The following APBB2 variants were observed in gnomAD, a reference collection of about 807,000 sequenced individuals.
APBB2 encodes Fe65-like 1.
Under a neutral mutation model 82.5 loss-of-function variants are expected in APBB2, and 38 were observed. The ratio of observed to expected loss-of-function variants is 0.46; its 90% confidence interval spans 0.36 to 0.60. APBB2 has a LOEUF of 0.60. Ranked by LOEUF, APBB2 falls within the 20% of genes least tolerant of loss-of-function variation. APBB2 has a pLI of 0.00. For synonymous variants in APBB2, 341 were observed against 368.2 expected, an observed-to-expected ratio of 0.93 and a Z score of 0.85; for missense variants, 772 against 972.3, an observed-to-expected ratio of 0.79 and a Z score of 2.74.
chr4:41,014,172 C>T lies in APBB2; in HGVS notation c.246G>A (p.Ser82=), dbSNP rs192964270. ...LTNIQAAMGL[S]DPAAQPLLGN... ...CCAGCAGGGGCTGTGCAGCTGGATC[C>T]GAGAGGCCCATGGCCGCCTGGATGT... The change falls in exon 6 of 18, where the codon TCG becomes TCA. Residue 82 remains serine (S), a synonymous_variant. Transcript: ENST00000508593. The T allele has an allele frequency of 8.7e-5, 141 of 1,614,194 alleles. No homozygotes were observed. The Admixed American group carries it at 1.4e-3, about 16-fold the overall frequency.
intron 1 of APBB2, among the ~76,000 whole-genome samples, chr4:41,159,961 G>GA (rs1560913423): frequency 0.028 from 899 of 31,872 alleles, 144 homozygotes; most frequent in Middle Eastern, 0.036. Context: ...GAAGGAGAAG[G>GA]AGAAGAAGAA....
chr4:41,062,338 A>G (rs1035627471), intron 4 of APBB2, among the ~76,000 whole-genome samples: 1 of 82,560 alleles, frequency 1.2e-5, no homozygotes, highest in African/African-American at 5.0e-5. Flanking sequence ...ACACCCAGCT[A>G]ATTTTTGTAT....
intron 1 of APBB2, among the ~76,000 whole-genome samples, chr4:41,159,408 C>T (rs192187451): frequency 5.0e-4 from 76 of 152,178 alleles, no homozygotes; most frequent in Non-Finnish European, 9.7e-4. Flanking sequence ...TAATATTAGC[C>T]GACTTACTTA....
At chr4:40,975,753 A>AACACACACACACACACACAC (rs368424451) in intron 6 of APBB2, among the ~76,000 whole-genome samples, 33 of 142,096 alleles carry the variant, frequency 2.3e-4, no homozygotes, top group African/African-American at 3.1e-4. Context: ...GTAGTAAGAA[A>AACACACACACACACACACAC]ACACACACAC....
At chr4:40,867,521 T>C (rs1157487303) in intron 12 of APBB2, among the ~76,000 whole-genome samples, 1 of 152,236 alleles carries the variant, frequency 6.6e-6, no homozygotes, top group East Asian at 1.9e-4. Context: ...TGTCTCATTC[T>C]CCAAATTGTC....
chr4:40,845,611 A>AAC (rs1757289902), intron 12 of APBB2, among the ~76,000 whole-genome samples: 3 of 149,984 alleles, frequency 2.0e-5, no homozygotes, highest in African/African-American at 7.4e-5. Flanking sequence ...AAAAAAAAAA[A>AAC]AAAACCAGCA....
chr4:41,156,161 AC>A (rs1374031457), intron 1 of APBB2, among the ~76,000 whole-genome samples: 8 of 152,126 alleles, frequency 5.3e-5, no homozygotes, highest in African/African-American at 1.9e-4. Context: ...TGCAAGCAAA[AC>A]CCTCTACTAG....
intron 6 of APBB2, among the ~76,000 whole-genome samples, chr4:40,973,825 C>CTG (rs912307828): frequency 6.6e-6 from 1 of 150,770 alleles, no homozygotes; most frequent in Admixed American, 6.6e-5. Flanking sequence ...TCTCTTTCTT[C>CTG]TGTGTGTGTG....
chr4:40,845,527 G>A (rs1306552105), intron 12 of APBB2, among the ~76,000 whole-genome samples: 2 of 130,002 alleles, frequency 1.5e-5, no homozygotes, highest in East Asian at 2.4e-4. Flanking sequence ...ATTAATATAA[G>A]CCTGAAATAA....
rs559571297 is a variant in APBB2, at chr4:40,814,123, AAT to A, written c.*1967_*1968del. 105 of 152,288 alleles carry A rather than the reference AAT, an allele frequency of 6.9e-4. No homozygotes were observed. Among genetic ancestry groups the A allele is most frequent in the African/African-American group, 2.5e-3 (104 of 41,542 alleles). The allele number at this position is 152,288 out of a possible 1,614,324, so 9.4% of individuals were successfully genotyped here. ...TGGTGGCTAAGTACCATGAGTTAGG[AAT>A]GTCTACCACAAGTAGCATCTGGAAA... On this transcript the variant is annotated 3_prime_UTR_variant, in exon 18 of 18. Coordinates refer to ENST00000508593, the MANE Select transcript of APBB2 (RefSeq NM_004307.2).
At chr4:41,114,866 A>C (rs1345454346) in intron 2 of APBB2, among the ~76,000 whole-genome samples, 5 of 152,374 alleles carry the variant, frequency 3.3e-5, no homozygotes, top group African/African-American at 9.6e-5. Context: ...ATGGATAGGA[A>C]GAATCAATAT....
At chr4:40,920,341 C>T (rs990314810) in intron 10 of APBB2, among the ~76,000 whole-genome samples, 3 of 152,226 alleles carry the variant, frequency 2.0e-5, no homozygotes, top group East Asian at 1.9e-4. Flanking sequence ...GTCCATTAAA[C>T]CTCTTTTCCT....
intron 12 of APBB2, among the ~76,000 whole-genome samples, chr4:40,840,068 G>A (rs1755316737): frequency 6.6e-6 from 1 of 152,162 alleles, no homozygotes; most frequent in Non-Finnish European, 1.5e-5. Context: ...TCTTTCTATT[G>A]ATGCTATTGC....
chr4:41,021,005 A>C (rs1166323350), intron 5 of APBB2, among the ~76,000 whole-genome samples: 35 of 152,252 alleles, frequency 2.3e-4, no homozygotes, highest in Non-Finnish European at 1.5e-5. Context: ...TCTGGAGTTA[A>C]GCAACATGGC....
intron 5 of APBB2, among the ~76,000 whole-genome samples, chr4:41,024,404 G>A (rs143912028): frequency 0.017 from 2,651 of 152,302 alleles, 29 homozygotes; most frequent in Middle Eastern, 0.041. Context: ...CAGAATGGGA[G>A]AAACTATCTT....
chr4:40,881,372 A>G (rs1768458781), intron 12 of APBB2: 1 of 985,238 alleles, frequency 1.0e-6, no homozygotes, highest in African/African-American at 1.7e-5. Flanking sequence ...AGATGTCATC[A>G]GGAAACTCTA....
Position 41,038,898 on chromosome 4 carries a change from G to A in APBB2, c.-50-5594C>T, listed in dbSNP as rs142240826. Among the ~76,000 whole-genome samples, 59 of 152,330 alleles carry A rather than the reference G, an allele frequency of 3.9e-4. No individual in the cohort carries two copies. In the East Asian group the frequency reaches 9.8e-3, roughly 25 times the overall value. ...AAACAGGTATCAGATGCTCACCTAT[G>A]TGTAGAACCATTGTTAGTGCAATAG... On this transcript the variant is annotated intron_variant, in intron 4 of 17. Transcript: ENST00000508593.
At chr4:40,851,736 A>ATT (rs772502891) in intron 12 of APBB2, among the ~76,000 whole-genome samples, 197 of 82,804 alleles carry the variant, frequency 2.4e-3, no homozygotes, top group African/African-American at 9.9e-3. Context: ...ATATATATAT[A>ATT]TATTTTTTTT....
intron 6 of APBB2, among the ~76,000 whole-genome samples, chr4:40,997,777 G>C (rs768527614): frequency 2.2e-4 from 34 of 152,118 alleles, no homozygotes; most frequent in Admixed American, 1.2e-3. Context: ...CTATATTAGT[G>C]GTTATTGTGT....
Sources: gnomAD v4.1 joint callset for allele counts (sites outside exome capture counted in the v4.1 genomes callset) on GRCh38, gnomAD v4.1.1 for gene constraint, MANE v1.5 for transcripts, NCBI Gene and HGNC (gene_info 2026-07-23, HGNC 2026-07-21) for gene names.